MGAT5: variants seen among roughly 807,000 people sequenced by gnomAD.
MGAT5 encodes alpha-1,6-mannosylglycoprotein 6-beta-N-acetylglucosaminyltransferase A.
In MGAT5, 30 loss-of-function variants were observed where a neutral mutation model predicts 94.3. The observed-to-expected ratio is 0.32, with a 90% CI of 0.24 to 0.43. The LOEUF (loss-of-function observed/expected upper bound fraction) is 0.43, where lower values mean the gene tolerates loss of function less well. Among genes scored for constraint, MGAT5 ranks in the 20% least tolerant of loss-of-function variants. The probability of loss-of-function intolerance (pLI) is 1.00; values close to 1 mark genes in which losing one functional copy is unlikely to be tolerated. For missense variants in MGAT5, 691 were observed against 905.5 expected, an observed-to-expected ratio of 0.76 and a Z score of 3.04; for synonymous variants, 310 against 322.9, an observed-to-expected ratio of 0.96 and a Z score of 0.43.
At chr2:134,255,402 A>T (rs1178185216) in intron 1 of MGAT5, among the ~76,000 whole-genome samples, 1 of 151,514 alleles carries the variant, frequency 6.6e-6, no homozygotes, top group Non-Finnish European at 1.5e-5. Flanking sequence ...TCCAGGCAAT[A>T]ACCACAATTA....
intron 2 of MGAT5, among the ~76,000 whole-genome samples, chr2:134,302,165 G>C (rs1329831632): frequency 6.6e-6 from 1 of 152,132 alleles, no homozygotes; most frequent in African/African-American, 2.4e-5. Context: ...TGATTGGCTT[G>C]GGCATATTCC....
rs570944919 is a variant in MGAT5, at chr2:134,258,638, C to G, written c.241+3994C>G. 7.2e-5 allele frequency among the ~76,000 whole-genome samples: 11 copies of G among 152,254 alleles called. No individual in the cohort carries two copies. In the South Asian group the frequency reaches 2.3e-3, roughly 32 times the overall value. The stretch of plus-strand genomic sequence containing the variant: ...GGATTTTGTGTGTGTGTGTGTGTCC[C>G]AAGTCTCTTTCACGCCTGTGTTTGG... On this transcript the variant is annotated intron_variant, in intron 1 of 15. Coordinates refer to ENST00000281923, the MANE Select transcript of MGAT5 (RefSeq NM_002410.5).
At chr2:134,176,545 C>T (rs1688472969) in intron 1 of MGAT5, among the ~76,000 whole-genome samples, 1 of 135,142 alleles carries the variant, frequency 7.4e-6, no homozygotes, top group Admixed American at 7.9e-5. Flanking sequence ...TGCACTCCAG[C>T]CTGGGTGACA....
intron 2 of MGAT5, among the ~76,000 whole-genome samples, chr2:134,282,658 G>A (rs958890599): frequency 5.3e-5 from 8 of 152,314 alleles, no homozygotes; most frequent in African/African-American, 1.9e-4. Context: ...CTTCTTTCTG[G>A]AGATGACACT....
At chr2:134,399,612 A>G (rs1424407458) in intron 10 of MGAT5, among the ~76,000 whole-genome samples, 1 of 152,238 alleles carries the variant, frequency 6.6e-6, no homozygotes, top group Admixed American at 6.5e-5. Context: ...GCATGCTGTG[A>G]TATGATACTC....
chr2:134,342,821 C>T (rs539326963), intron 7 of MGAT5, among the ~76,000 whole-genome samples: 2 of 151,882 alleles, frequency 1.3e-5, no homozygotes, highest in East Asian at 3.9e-4. Context: ...GTTTTGGTGT[C>T]GGGCATACAG....
intron 1 of MGAT5, among the ~76,000 whole-genome samples, chr2:134,200,745 A>G (rs1241322029): frequency 6.6e-6 from 1 of 152,148 alleles, no homozygotes; most frequent in Non-Finnish European, 1.5e-5. Context: ...TTTGCTGGGC[A>G]TGGTGGCTCA....
chr2:134,203,052 G>A (rs556928819), intron 1 of MGAT5, among the ~76,000 whole-genome samples: 1 of 152,236 alleles, frequency 6.6e-6, no homozygotes, highest in South Asian at 2.1e-4. Context: ...CATATTACAG[G>A]AGTGGCTCTA....
chr2:134,408,072 A>G (rs1683444812), intron 11 of MGAT5, among the ~76,000 whole-genome samples: 2 of 152,168 alleles, frequency 1.3e-5, no homozygotes, highest in Admixed American at 1.3e-4. Context: ...TACTGTTATA[A>G]ACGGTACCAT....
intron 1 of MGAT5, among the ~76,000 whole-genome samples, chr2:134,134,360 G>C (rs1686311188): frequency 6.6e-6 from 1 of 152,136 alleles, no homozygotes; most frequent in Non-Finnish European, 1.5e-5. Flanking sequence ...AGGAACACAG[G>C]AATAGGGTCC....
At chr2:134,418,080 T>C (rs754139921) in intron 12 of MGAT5, among the ~76,000 whole-genome samples, 6 of 151,730 alleles carry the variant, frequency 4.0e-5, no homozygotes, top group Non-Finnish European at 8.8e-5. Flanking sequence ...CCACTGAGTA[T>C]TTTTTTCCCG....
In MGAT5 at chr2:134,248,980, C is replaced by T. The variant is rs114953013; in HGVS notation, c.-142-5282C>T. Among the ~76,000 whole-genome samples, 1,106 of 152,040 alleles carry T rather than the reference C, an allele frequency of 7.3e-3. 14 individuals carry two copies. Among genetic ancestry groups the T allele is most frequent in the African/African-American group, 0.023 (951 of 41,474 alleles). ...TTTGCCAGACAAGGTGGGCCAGGAG[C>T]CTTCTGAAGCCAGGCTCCTGGCCAG... On this transcript the variant is annotated intron_variant, in intron 1 of 16. Coordinates refer to the MGAT5 transcript ENST00000409645.
chr2:134,205,560 A>G (rs1679986946), intron 1 of MGAT5, among the ~76,000 whole-genome samples: 1 of 152,200 alleles, frequency 6.6e-6, no homozygotes, highest in African/African-American at 2.4e-5. Flanking sequence ...GTCAGAAAGC[A>G]GCGGCTCTCT....
chr2:134,137,346 G>A (rs187248867), intron 1 of MGAT5, among the ~76,000 whole-genome samples: 73 of 152,288 alleles, frequency 4.8e-4, no homozygotes, highest in African/African-American at 1.0e-3. Context: ...TTGGCTTCCC[G>A]CTTGCCACTC....
chr2:134,212,879 T>C (rs371238137), intron 1 of MGAT5, among the ~76,000 whole-genome samples: 1 of 152,216 alleles, frequency 6.6e-6, no homozygotes, highest in Non-Finnish European at 1.5e-5. Flanking sequence ...CAGTAAGACC[T>C]TGAGACTTGC....
chr2:134,147,909 T>G (rs1250488995), intron 1 of MGAT5, among the ~76,000 whole-genome samples: 1 of 152,246 alleles, frequency 6.6e-6, no homozygotes, highest in Non-Finnish European at 1.5e-5. Flanking sequence ...TAGAAATACC[T>G]TGACCTTTGT....
At chr2:134,136,435 C>T (rs1294171549) in intron 1 of MGAT5, among the ~76,000 whole-genome samples, 4 of 151,980 alleles carry the variant, frequency 2.6e-5, no homozygotes, top group African/African-American at 7.3e-5. Context: ...AGCGTGGTGG[C>T]GGGTGCCTGT....
intron 4 of MGAT5, among the ~76,000 whole-genome samples, chr2:134,325,839 A>G (rs1481093971): frequency 6.6e-6 from 1 of 151,980 alleles, no homozygotes; most frequent in Non-Finnish European, 1.5e-5. Flanking sequence ...TCATTGCCTT[A>G]GAGTTTGTCT....
intron 10 of MGAT5, among the ~76,000 whole-genome samples, chr2:134,390,736 A>G (rs1682350145): frequency 6.6e-6 from 1 of 151,774 alleles, no homozygotes; most frequent in Non-Finnish European, 1.5e-5. Flanking sequence ...ACTTCCCCCT[A>G]ACCCTCCCGC....
Sources: allele counts gnomAD v4.1 joint callset (sites outside exome capture counted in the v4.1 genomes callset), GRCh38; gene constraint gnomAD v4.1.1; transcripts MANE v1.5; gene names NCBI Gene and HGNC (gene_info 2026-07-23, HGNC 2026-07-21).